The following GRM5 variants were observed in gnomAD, a reference collection of about 807,000 sequenced individuals.
GRM5 encodes glutamate metabotropic receptor 5.
GRM5 carries 19 observed loss-of-function variants against 83.1 expected under a neutral mutation model. That is an observed-to-expected ratio of 0.23 (90% CI 0.16 to 0.34). GRM5 has a LOEUF of 0.34. GRM5 is among the 10% of genes least tolerant of loss of function. GRM5 has a pLI of 1.00. For synonymous variants in GRM5, 675 were observed against 633.6 expected (o/e 1.07, Z -0.98); for missense variants, 1,160 against 1,588.3 (o/e 0.73, Z 4.58).
intron 3 of GRM5, among the ~76,000 whole-genome samples, chr11:88,836,758 G>A (rs1459128875): frequency 2.0e-5 from 3 of 152,098 alleles, no homozygotes; most frequent in South Asian, 2.1e-4. Context: ...TACCGCCACT[G>A]CACTCCAGCT....
chr11:88,922,344 A>G (rs996026001), intron 2 of GRM5, among the ~76,000 whole-genome samples: 4 of 152,136 alleles, frequency 2.6e-5, no homozygotes, highest in African/African-American at 9.6e-5. Context: ...CAGAGCTATA[A>G]TAAACAAAAC....
chr11:88,768,662 C>G (rs1032856891), intron 3 of GRM5, among the ~76,000 whole-genome samples: 1 of 151,598 alleles, frequency 6.6e-6, no homozygotes, highest in African/African-American at 2.4e-5. Flanking sequence ...AATAGCCACA[C>G]CTGAAAGGTC....
At chr11:88,548,098 T>A (rs1328472862) in intron 8 of GRM5, among the ~76,000 whole-genome samples, 3 of 152,224 alleles carry the variant, frequency 2.0e-5, no homozygotes, top group African/African-American at 7.2e-5. Flanking sequence ...GAGAAAAGGA[T>A]ATTCCTATCT....
chr11:88,657,563 C>T (rs1034577660), intron 3 of GRM5, among the ~76,000 whole-genome samples: 1 of 152,088 alleles, frequency 6.6e-6, no homozygotes, highest in African/African-American at 2.4e-5. Context: ...CACTTTCTTC[C>T]CAAGATTGCA....
At chr11:88,690,840 A>G (rs1321940836) in intron 3 of GRM5, among the ~76,000 whole-genome samples, 6 of 152,228 alleles carry the variant, frequency 3.9e-5, no homozygotes, top group South Asian at 2.1e-4. Flanking sequence ...AGGAAATTCT[A>G]TAATTGTGGA....
At chr11:88,837,253 C>T (rs557921049) in intron 3 of GRM5, among the ~76,000 whole-genome samples, 1 of 152,148 alleles carries the variant, frequency 6.6e-6, no homozygotes, top group Non-Finnish European at 1.5e-5. Context: ...TATCAAAGAT[C>T]CAGAGATGGT....
At chr11:88,711,509 C>A (rs767048231) in intron 3 of GRM5, among the ~76,000 whole-genome samples, 11 of 152,232 alleles carry the variant, frequency 7.2e-5, no homozygotes, top group Non-Finnish European at 1.3e-4. Context: ...TGCCTTCTAG[C>A]ACCCATGGTT....
intron 2 of GRM5, among the ~76,000 whole-genome samples, chr11:89,000,056 G>GC (rs1412244464): frequency 3.3e-5 from 5 of 152,110 alleles, no homozygotes; most frequent in Non-Finnish European, 7.4e-5. Flanking sequence ...CATGGACACA[G>GC]GAAGGGGAAC....
intron 7 of GRM5, among the ~76,000 whole-genome samples, chr11:88,580,242 T>C (rs185721690): frequency 2.0e-5 from 3 of 152,302 alleles, no homozygotes; most frequent in African/African-American, 7.2e-5. Context: ...GGCAATGGAA[T>C]ATTTAAGTCT....
intron 3 of GRM5, among the ~76,000 whole-genome samples, chr11:88,740,627 G>T (rs1942007405): frequency 6.6e-6 from 1 of 151,996 alleles, no homozygotes; most frequent in East Asian, 1.9e-4. Context: ...TTGAGATTAG[G>T]ACCTCAGCAA....
At chr11:88,576,673 A>G (rs1943117991) in intron 7 of GRM5, among the ~76,000 whole-genome samples, 1 of 152,182 alleles carries the variant, frequency 6.6e-6, no homozygotes, top group African/African-American at 2.4e-5. Context: ...CTTGCAGAAG[A>G]ATTCACAGAT....
intron 8 of GRM5, among the ~76,000 whole-genome samples, chr11:88,551,226 A>G (rs1319579226): frequency 2.0e-5 from 3 of 152,134 alleles, no homozygotes; most frequent in African/African-American, 4.8e-5. Context: ...GAAGTTAGTT[A>G]TCATTAGCCC....
intron 3 of GRM5, among the ~76,000 whole-genome samples, chr11:88,840,346 TTCC>T (rs947631224): frequency 4.5e-4 from 68 of 152,290 alleles, no homozygotes; most frequent in African/African-American, 1.6e-3. Flanking sequence ...CAACATCATC[TTCC>T]TCCTCATCTG....
At chr11:88,719,000 C>A (rs985215467) in intron 3 of GRM5, among the ~76,000 whole-genome samples, 2 of 6,238 alleles carry the variant, frequency 3.2e-4, no homozygotes, top group African/African-American at 3.8e-4. Flanking sequence ...TATCCCTTGT[C>A]AAACAAACAC....
intron 4 of GRM5, among the ~76,000 whole-genome samples, chr11:88,633,714 T>C (rs1321069935): frequency 6.6e-6 from 1 of 152,190 alleles, no homozygotes; most frequent in Non-Finnish European, 1.5e-5. Context: ...CAGGGGGTAG[T>C]TTCACTTTGT....
chr11:88,863,228 A>G (rs1944598379), intron 2 of GRM5, among the ~76,000 whole-genome samples: 1 of 152,174 alleles, frequency 6.6e-6, no homozygotes, highest in South Asian at 2.1e-4. Flanking sequence ...CTAGAGTCGA[A>G]ATGTCATTTG....
intron 3 of GRM5, among the ~76,000 whole-genome samples, chr11:88,804,251 G>A (rs1943457352): frequency 6.9e-6 from 1 of 143,936 alleles, no homozygotes; most frequent in African/African-American, 2.7e-5. Flanking sequence ...GTTTATTGTG[G>A]CATTATTCAC....
intron 2 of GRM5, among the ~76,000 whole-genome samples, chr11:88,937,249 C>T (rs183756613): frequency 5.3e-5 from 8 of 151,582 alleles, no homozygotes; most frequent in African/African-American, 1.4e-4. Flanking sequence ...CATATACTGG[C>T]GTTTATGGTA....
At chr11:88,655,389 CTGTT>C (rs1028705934) in intron 3 of GRM5, among the ~76,000 whole-genome samples, 28 of 152,046 alleles carry the variant, frequency 1.8e-4, no homozygotes, top group East Asian at 1.9e-4. Context: ...ACAGGAAGCT[CTGTT>C]TGTTCAAGCA....
Sources: gnomAD v4.1 joint callset for allele counts (sites outside exome capture counted in the v4.1 genomes callset) on GRCh38, gnomAD v4.1.1 for gene constraint, MANE v1.5 for transcripts, NCBI Gene and HGNC (gene_info 2026-07-23, HGNC 2026-07-21) for gene names.